RAB3IL1: variants seen among roughly 807,000 people sequenced by gnomAD.
RAB3IL1 encodes RAB3A interacting protein like 1.
In RAB3IL1, 37 loss-of-function variants were observed where a neutral mutation model predicts 49.2. That is an observed-to-expected ratio of 0.75 (90% CI 0.58 to 0.99). The LOEUF is 0.99. RAB3IL1 is among the 50% of genes least tolerant of loss of function. The pLI is 0.00. For missense variants in RAB3IL1, 484 were observed against 513.0 expected, an observed-to-expected ratio of 0.94 and a Z score of 0.55; for synonymous variants, 193 against 213.9, an observed-to-expected ratio of 0.90 and a Z score of 0.85.
At position 61,917,510 on chromosome 11, in the gene RAB3IL1, C is replaced by G. The variant is rs1202718514; in HGVS notation, c.-143G>C. The G allele has an allele frequency of 8.9e-7, 1 of 1,128,324 alleles. No homozygotes were observed. The highest frequency in any genetic ancestry group is 1.1e-6 in the Non-Finnish European group (1 of 923,012). The allele number at this position is 1,128,324 out of a possible 1,614,324, so 69.9% of individuals were successfully genotyped here. A position where few individuals can be genotyped will look rare whatever the true frequency, so the allele number is the denominator to read the frequency against. On this transcript the variant is annotated 5_prime_UTR_variant, in exon 1 of 10. Transcript: ENST00000394836. Reference sequence around the variant, plus strand: ...CTGCCCGCGGCCGGTCAGTAGGTCTCAGACGCCTGGGCTCGCGGCCCCCAG... The same window carrying G: ...CTGCCCGCGGCCGGTCAGTAGGTCTGAGACGCCTGGGCTCGCGGCCCCCAG...
At chr11:61,933,327 A>T in the RAB3IL1 span, among the ~76,000 whole-genome samples, 1 of 152,170 alleles carries the variant, frequency 6.6e-6, no homozygotes. Flanking sequence ...TGACACAGAC[A>T]AAAGAGGAAA....
chr11:61,913,317 G>C (rs1012608557), intron 1 of RAB3IL1, among the ~76,000 whole-genome samples: 1 of 152,178 alleles, frequency 6.6e-6, no homozygotes, highest in African/African-American at 2.4e-5. Context: ...TCAAGGAGGG[G>C]ACAAAGGGAC....
At position 61,907,417 on chromosome 11, in the gene RAB3IL1, C is replaced by A; in HGVS notation, c.414G>T (p.Lys138Asn). ...EANMKQAASE[K>N]QLKEARGKID... ...CCTTGCCCCGAGCCTCCTTCAGCTG[C>A]TTTTCTGATGCCGCCTGCTTCATGT... Residue 138 changes from lysine to asparagine, a missense_variant, in exon 4 of 10, where the codon AAG becomes AAT. Transcript: ENST00000394836. The A allele has an allele frequency of 6.2e-7, 1 of 1,614,134 alleles. No homozygotes were observed. The highest frequency in any genetic ancestry group is 8.5e-7 in the Non-Finnish European group (1 of 1,180,026).
chr11:61,932,825 G>A, the RAB3IL1 span, among the ~76,000 whole-genome samples: 1 of 145,460 alleles, frequency 6.9e-6, no homozygotes, highest in Admixed American at 7.0e-5. Flanking sequence ...AGGCTGGAGT[G>A]CAGTGGCACA....
At position 61,898,329 on chromosome 11, in the gene RAB3IL1, C is replaced by G; in HGVS notation, c.1098G>C (p.Leu366Phe). 1 of 1,613,670 alleles carries G rather than the reference C, an allele frequency of 6.2e-7. No homozygotes were observed. Among genetic ancestry groups the G allele is most frequent in the East Asian group, 2.2e-5 (1 of 44,888 alleles). ...AEPMFWEIMR[L>F]RKEMSLAKLG... Reference sequence around the variant, plus strand: ...GCTTGGCCAGTGACATCTCCTTCCGCAACCTCATGATCTCCCAGAACATGG... The same window carrying G: ...GCTTGGCCAGTGACATCTCCTTCCGGAACCTCATGATCTCCCAGAACATGG... Residue 366 changes from leucine to phenylalanine, a missense_variant, in exon 10 of 10, where the codon TTG (leucine) becomes TTC (phenylalanine). Physicochemically the swap from Leu to Phe is conservative, Grantham distance 22. Transcript: ENST00000394836. The surrounding 1 kb of genome is among the most constrained non-coding windows in gnomAD (Gnocchi z 5.1).
chr11:61,899,626 T>C, intron 8 of RAB3IL1: 1 of 490,154 alleles, frequency 2.0e-6, no homozygotes, highest in Non-Finnish European at 3.7e-6. Context: ...GACGCGCTTA[T>C]TATTCCATCT....
chr11:61,945,264 A>G, the RAB3IL1 span, among the ~76,000 whole-genome samples: 11 of 152,140 alleles, frequency 7.2e-5, no homozygotes, highest in African/African-American at 2.7e-4. Context: ...AGTAGATGAC[A>G]TTTCTAAAGA....
intron 1 of RAB3IL1, among the ~76,000 whole-genome samples, chr11:61,908,842 G>A (rs1483580467): frequency 6.6e-6 from 1 of 152,192 alleles, no homozygotes; most frequent in African/African-American, 2.4e-5. Flanking sequence ...GCTGAGGCAG[G>A]AAGATTCTGC....
At chr11:61,944,903 G>A in the RAB3IL1 span, among the ~76,000 whole-genome samples, 2 of 152,124 alleles carry the variant, frequency 1.3e-5, no homozygotes, top group African/African-American at 4.8e-5. Flanking sequence ...ATTTTGCCAT[G>A]TTGGCCAGGC....
the RAB3IL1 span, among the ~76,000 whole-genome samples, chr11:61,930,871 A>G: frequency 2.0e-5 from 3 of 152,154 alleles, 1 homozygote; most frequent in South Asian, 6.2e-4. Flanking sequence ...GACAATGTTT[A>G]AAAAAAATTC....
At chr11:61,908,832 G>T (rs776807927) in intron 1 of RAB3IL1, among the ~76,000 whole-genome samples, 2 of 152,242 alleles carry the variant, frequency 1.3e-5, no homozygotes, top group African/African-American at 2.4e-5. Context: ...GGCAGGCAGG[G>T]CTGAGGCAGG....
At chr11:61,920,332 C>T, upstream of RAB3IL1, 1 of 1,122,150 alleles carries the variant, frequency 8.9e-7, no homozygotes, top group Non-Finnish European at 1.1e-6. Context: ...GAGGCACCAC[C>T]TCCCAGGACA....
chr11:61,899,036 C>T (rs1938759907), intron 9 of RAB3IL1: 4 of 551,250 alleles, frequency 7.3e-6, no homozygotes, highest in Non-Finnish European at 1.4e-5. Context: ...GAGGAGGGGC[C>T]ACCACCTCCA....
the RAB3IL1 span, among the ~76,000 whole-genome samples, chr11:61,938,316 G>T: frequency 6.6e-6 from 1 of 152,124 alleles, no homozygotes. Context: ...TGGGAGGATG[G>T]ATCCCTTCGG....
chr11:61,905,652 G>A (rs1939148019), intron 5 of RAB3IL1, among the ~76,000 whole-genome samples: 1 of 146,480 alleles, frequency 6.8e-6, no homozygotes, highest in African/African-American at 2.4e-5. Context: ...TCAGGAGGTG[G>A]ATGAGGGCCT....
the RAB3IL1 span, among the ~76,000 whole-genome samples, chr11:61,936,876 C>T: frequency 1.3e-5 from 2 of 152,018 alleles, no homozygotes; most frequent in African/African-American, 4.8e-5. Flanking sequence ...AAAAGGAGAA[C>T]TCAAGACATC....
intron 1 of RAB3IL1, among the ~76,000 whole-genome samples, chr11:61,909,821 C>G (rs1939380589): frequency 6.6e-6 from 1 of 152,220 alleles, no homozygotes. Context: ...ATTCTCTCAA[C>G]AGCAGCTGGG....
At chr11:61,902,113 G>C (rs893021609) in intron 8 of RAB3IL1, among the ~76,000 whole-genome samples, 2 of 152,178 alleles carry the variant, frequency 1.3e-5, no homozygotes, top group Non-Finnish European at 2.9e-5. Flanking sequence ...CCAGGAGTTC[G>C]AGTTCAGCCT....
the RAB3IL1 span, among the ~76,000 whole-genome samples, chr11:61,933,850 C>T: frequency 1.3e-5 from 2 of 151,874 alleles, no homozygotes; most frequent in Non-Finnish European, 2.9e-5. Context: ...AAGGCTGAGG[C>T]AGGAGAATCA....
Sources: gnomAD v4.1 joint callset for allele counts (sites outside exome capture counted in the v4.1 genomes callset) on GRCh38, gnomAD v4.1.1 for gene constraint, Gnocchi (gnomAD v3.1) non-coding constraint, MANE v1.5 for transcripts, NCBI Gene and HGNC (gene_info 2026-07-23, HGNC 2026-07-21) for gene names.